Variants in PDE11A observed in about 807,000 individuals in gnomAD.
The protein encoded by PDE11A is phosphodiesterase 11A.
In PDE11A, 100 loss-of-function variants were observed where a neutral mutation model predicts 100.5. The ratio of observed to expected loss-of-function variants is 1.00; its 90% CI spans 0.85 to 1.18. The LOEUF (loss-of-function observed/expected upper bound fraction) is 1.18, where lower values mean the gene tolerates loss of function less well. Among genes scored for constraint, PDE11A ranks in the 50% most tolerant of loss-of-function variants. The probability of loss-of-function intolerance (pLI) is 0.00; values close to 1 mark genes in which losing one functional copy is unlikely to be tolerated. For missense variants in PDE11A, 1,141 were observed against 1,152.6 expected (o/e 0.99, Z 0.15); for synonymous variants, 381 against 420.8 (o/e 0.91, Z 1.16).
At chr2:177,781,277 G>GCA (rs1289899404) in intron 9 of PDE11A, among the ~76,000 whole-genome samples, 1 of 152,162 alleles carries the variant, frequency 6.6e-6, no homozygotes, top group African/African-American at 2.4e-5. Flanking sequence ...CCTTATATGG[G>GCA]CACAGTTCAT....
At chr2:177,749,478 C>T (rs1358048509) in intron 10 of PDE11A, among the ~76,000 whole-genome samples, 1 of 152,052 alleles carries the variant, frequency 6.6e-6, no homozygotes, top group Non-Finnish European at 1.5e-5. Context: ...ATATTTCAGT[C>T]AGGTTAAGTA....
intron 2 of PDE11A, among the ~76,000 whole-genome samples, chr2:178,005,191 T>TTTTTTTGAG (rs575405016): frequency 9.6e-4 from 146 of 152,074 alleles, no homozygotes; most frequent in South Asian, 6.1e-3. Context: ...GAAGAGTCAG[T>TTTTTTTGAG]CACAATTTAT....
intron 19 of PDE11A, among the ~76,000 whole-genome samples, chr2:177,637,918 CACA>C (rs2080068348): frequency 3.0e-5 from 1 of 33,320 alleles, no homozygotes; most frequent in Non-Finnish European, 2.1e-4. Flanking sequence ...TACATATATA[CACA>C]TACATATATA....
At chr2:177,729,000 C>T (rs1325832169) in intron 10 of PDE11A, among the ~76,000 whole-genome samples, 2 of 152,080 alleles carry the variant, frequency 1.3e-5, no homozygotes, top group East Asian at 1.9e-4. Flanking sequence ...AAGGGAGTCA[C>T]TTTTATATTT....
At chr2:177,631,582 TATACACAC>T (rs1289987097) in intron 19 of PDE11A, among the ~76,000 whole-genome samples, 393 of 23,280 alleles carry the variant, frequency 0.017, 10 homozygotes, top group African/African-American at 0.045. Flanking sequence ...TGTATATATA[TATACACAC>T]ACATATATAT....
At chr2:177,807,530 C>T (rs1255776794) in intron 9 of PDE11A, among the ~76,000 whole-genome samples, 1 of 152,136 alleles carries the variant, frequency 6.6e-6, no homozygotes, top group Non-Finnish European at 1.5e-5. Context: ...AGGCAATCCT[C>T]CCACCTCAAC....
At chr2:177,749,926 A>G (rs891828600) in intron 10 of PDE11A, among the ~76,000 whole-genome samples, 5 of 152,214 alleles carry the variant, frequency 3.3e-5, no homozygotes, top group African/African-American at 1.2e-4. Context: ...GGAAGGGAAG[A>G]TGCAGGCTCA....
intron 2 of PDE11A, among the ~76,000 whole-genome samples, chr2:177,954,565 G>A (rs2105785006): frequency 6.6e-6 from 1 of 152,302 alleles, no homozygotes; most frequent in South Asian, 2.1e-4. Context: ...CAGAACAGCA[G>A]TGCACATATA....
chr2:177,793,543 A>C (rs2082661807), intron 9 of PDE11A, among the ~76,000 whole-genome samples: 1 of 87,322 alleles, frequency 1.1e-5, no homozygotes, highest in Non-Finnish European at 2.1e-5. Flanking sequence ...TCTGCAAAAA[A>C]AAAAAAAAAA....
chr2:178,076,671 T>C (rs1167585513), upstream of PDE11A, among the ~76,000 whole-genome samples: 5 of 152,244 alleles, frequency 3.3e-5, no homozygotes, highest in African/African-American at 1.2e-4. Flanking sequence ...TTTTATTGTG[T>C]GACCACTGAG....
chr2:177,663,142 T>G (rs1436153179), intron 19 of PDE11A, among the ~76,000 whole-genome samples: 2 of 150,952 alleles, frequency 1.3e-5, no homozygotes, highest in Non-Finnish European at 2.9e-5. Context: ...AATAAACTGT[T>G]AGTGTTAACT....
chr2:177,743,544 A>G lies in PDE11A; in HGVS notation c.1789-15372T>C, dbSNP rs149547407. Among the ~76,000 whole-genome samples the G allele has an allele frequency of 4.6e-5, 7 of 152,332 alleles. No homozygotes were observed. The East Asian group carries it at 1.3e-3, about 29-fold the overall frequency. On this transcript the variant is annotated intron_variant, in intron 10 of 19. Coordinates refer to ENST00000286063, the MANE Select transcript of PDE11A (RefSeq NM_016953.4). Reference sequence around the variant, plus strand: ...AGGGTACAGGGTAGAGATGTCAGGAAAATCAACCTCACTTGGTCTAGGATG... The same window carrying G: ...AGGGTACAGGGTAGAGATGTCAGGAGAATCAACCTCACTTGGTCTAGGATG...
intron 5 of PDE11A, among the ~76,000 whole-genome samples, chr2:177,846,450 G>A (rs1377397664): frequency 6.6e-6 from 1 of 152,176 alleles, no homozygotes; most frequent in East Asian, 1.9e-4. Flanking sequence ...ACAAAGGAAA[G>A]GGCCCAAATT....
chr2:177,937,689 T>G (rs565709426), intron 2 of PDE11A, among the ~76,000 whole-genome samples: 5 of 152,308 alleles, frequency 3.3e-5, no homozygotes, highest in African/African-American at 1.2e-4. Context: ...ACTTTCTCTC[T>G]TTTCTTTCCA....
chr2:177,870,461 C>A (rs2084111334), intron 5 of PDE11A, among the ~76,000 whole-genome samples: 1 of 152,170 alleles, frequency 6.6e-6, no homozygotes, highest in Non-Finnish European at 1.5e-5. Context: ...CATGCACAGG[C>A]AATAGCTGTG....
At chr2:177,942,586 G>A (rs2085357982) in intron 2 of PDE11A, among the ~76,000 whole-genome samples, 1 of 151,990 alleles carries the variant, frequency 6.6e-6, no homozygotes, top group Admixed American at 6.6e-5. Context: ...ATTTTTAGAA[G>A]AGATGGGGTT....
chr2:177,746,401 C>A (rs1275966859), intron 10 of PDE11A, among the ~76,000 whole-genome samples: 3 of 151,976 alleles, frequency 2.0e-5, no homozygotes, highest in South Asian at 2.1e-4. Context: ...AAAAAAGGAA[C>A]CTATTGAGGA....
intron 9 of PDE11A, among the ~76,000 whole-genome samples, chr2:177,801,920 A>G (rs1433032195): frequency 6.6e-6 from 1 of 152,138 alleles, no homozygotes; most frequent in African/African-American, 2.4e-5. Context: ...TGAAAAAATG[A>G]ATAAGCAAGC....
intron 2 of PDE11A, among the ~76,000 whole-genome samples, chr2:177,926,657 A>T (rs1237566617): frequency 1.3e-5 from 2 of 152,206 alleles, no homozygotes; most frequent in Non-Finnish European, 2.9e-5. Flanking sequence ...AGGAGTTGAT[A>T]ATTTCATAGT....
Sources: gnomAD v4.1 joint callset for allele counts (sites outside exome capture counted in the v4.1 genomes callset) on GRCh38, gnomAD v4.1.1 for gene constraint, MANE v1.5 for transcripts, NCBI Gene and HGNC (gene_info 2026-07-23, HGNC 2026-07-21) for gene names.